The following CACNA1B variants were observed in gnomAD, a reference collection of about 807,000 sequenced individuals.
CACNA1B encodes the protein voltage-dependent N-type calcium channel subunit alpha-1B.
A neutral mutation model predicts 247.2 loss-of-function variants in CACNA1B; 70 were observed. The observed-to-expected ratio is 0.28, with a 90% CI of 0.23 to 0.35. The LOEUF (loss-of-function observed/expected upper bound fraction) is 0.35. CACNA1B is among the 10% of genes least tolerant of loss of function. CACNA1B has a pLI of 1.00. For synonymous variants in CACNA1B, 1,231 were observed against 1,294.4 expected, an observed-to-expected ratio of 0.95 and a Z score of 1.05; for missense variants, 2,367 against 3,197.4, an observed-to-expected ratio of 0.74 and a Z score of 6.26.
At chr9:138,070,236 T>C (rs530818647) in intron 32 of CACNA1B, among the ~76,000 whole-genome samples, 1 of 152,274 alleles carries the variant, frequency 6.6e-6, no homozygotes, top group Admixed American at 6.5e-5. Context: ...CAGACTCCCC[T>C]GTAGCTTCCG....
At position 137,990,112 on chromosome 9, in the gene CACNA1B, G is replaced by T. The variant is rs753296469; in HGVS notation, c.1974+3258G>T. 1.3e-5 allele frequency among the ~76,000 whole-genome samples: 2 copies of T among 152,152 alleles called. No individual in the cohort carries two copies. The highest frequency in any genetic ancestry group is 2.9e-5 in the Non-Finnish European group (2 of 68,028). Reference sequence around the variant, plus strand: ...GGAAATAGACTCAGTGCTGTTGGGGGTGGGCACGGTAGGAGTGAGACCAGC... The same window carrying T: ...GGAAATAGACTCAGTGCTGTTGGGGTTGGGCACGGTAGGAGTGAGACCAGC... On this transcript the variant is annotated intron_variant, in intron 15 of 46. Transcript: ENST00000371372. The surrounding 1 kb of genome is among the most constrained non-coding windows in gnomAD (Gnocchi z 4.5).
At chr9:137,995,098 C>A (rs1958480995) in intron 15 of CACNA1B, among the ~76,000 whole-genome samples, 1 of 151,650 alleles carries the variant, frequency 6.6e-6, no homozygotes. Context: ...ATCCCAGCTA[C>A]TTGGAAGGCT....
At chr9:138,022,885 G>A (rs1393047209) in intron 18 of CACNA1B, 126 bp from the exon 19 acceptor site, 2 of 1,266,810 alleles carry the variant, frequency 1.6e-6, no homozygotes, top group African/African-American at 1.6e-5. Context: ...GGGTGTGGGG[G>A]CTCCCGCGGC....
At chr9:137,923,418 TG>T (rs1438460961) in intron 6 of CACNA1B, among the ~76,000 whole-genome samples, 2 of 150,548 alleles carry the variant, frequency 1.3e-5, no homozygotes, top group Non-Finnish European at 1.5e-5. Flanking sequence ...TAGTATTCCA[TG>T]GCTCCAGGTG....
At chr9:138,043,568 G>A (rs1012309770) in intron 20 of CACNA1B, among the ~76,000 whole-genome samples, 7 of 152,182 alleles carry the variant, frequency 4.6e-5, no homozygotes, top group Non-Finnish European at 8.8e-5. Context: ...GGAAGGGTCC[G>A]TTAGCGTCTC....
Position 137,914,262 on chromosome 9 carries a change from TG to T in CACNA1B, c.623-391del, listed in dbSNP as rs1229427956. On this transcript the variant is annotated intron_variant, in intron 4 of 46. Transcript: ENST00000371372. The surrounding 1 kb of genome is among the most constrained non-coding windows in gnomAD (Gnocchi z 4.3). ...AATTCCCTGTTCTTTCCTCTCAGGA[TG>T]TCCTCTGACTTGGCTCTTCCTTCTC... 1.3e-5 allele frequency among the ~76,000 whole-genome samples: 2 copies of T among 152,122 alleles called. No homozygotes were observed. The highest frequency in any genetic ancestry group is 2.9e-5 in the Non-Finnish European group (2 of 68,020).
At chr9:138,108,321 AAAAAAAAAAGC>A (rs1961506370) in intron 39 of CACNA1B, among the ~76,000 whole-genome samples, 1 of 151,210 alleles carries the variant, frequency 6.6e-6, no homozygotes, top group South Asian at 2.1e-4. Flanking sequence ...AAAAAAAAAA[AAAAAAAAAAGC>A]AAAAGCTTCA....
intron 6 of CACNA1B, among the ~76,000 whole-genome samples, chr9:137,938,760 A>G (rs1957697897): frequency 6.6e-6 from 1 of 152,168 alleles, no homozygotes; most frequent in South Asian, 2.1e-4. Context: ...TTATAAAACA[A>G]TTACTAGTAG....
At chr9:138,047,090 TTCCCAGGG>T in intron 22 of CACNA1B, 57 bp downstream of exon 22, 1 of 1,526,738 alleles carries the variant, frequency 6.5e-7, no homozygotes. Flanking sequence ...GCTGGGTGCC[TTCCCAGGG>T]GCCCAAGGGG....
At chr9:138,120,597 C>G (rs932904794) in intron 45 of CACNA1B, 34 bp from the exon 46 acceptor site, 1 of 1,473,200 alleles carries the variant, frequency 6.8e-7, no homozygotes, top group African/African-American at 1.4e-5. Flanking sequence ...TGCCTTGGGC[C>G]TGGCCGTGCT....
intron 37 of CACNA1B, among the ~76,000 whole-genome samples, chr9:138,097,264 C>T (rs112803387): frequency 6.6e-6 from 1 of 152,026 alleles, no homozygotes; most frequent in African/African-American, 2.4e-5. Context: ...GTTTCAAAGG[C>T]GAGGGGTGGT....
chr9:138,093,424 A>G (rs1448325633), intron 36 of CACNA1B, among the ~76,000 whole-genome samples: 1 of 150,736 alleles, frequency 6.6e-6, no homozygotes, highest in South Asian at 2.1e-4. Context: ...AAAAAAAAAA[A>G]AAAAGAAGAA....
intron 20 of CACNA1B, among the ~76,000 whole-genome samples, chr9:138,037,128 T>G (rs1177512000): frequency 6.6e-6 from 1 of 152,222 alleles, no homozygotes; most frequent in Non-Finnish European, 1.5e-5. Flanking sequence ...CCGTAGAATT[T>G]CTCAGTTTGG....
intron 5 of CACNA1B, among the ~76,000 whole-genome samples, chr9:137,916,863 A>T (rs576750304): frequency 5.7e-5 from 8 of 139,754 alleles, no homozygotes; most frequent in South Asian, 2.5e-4. Context: ...GAGGGAGAGG[A>T]ACGATCAGCG....
rs202153575 is a variant in CACNA1B, at chr9:137,913,321, C to T, written c.622+50C>T. 1 of 1,376,122 alleles carries T rather than the reference C, an allele frequency of 7.3e-7. No homozygotes were observed. The highest frequency in any genetic ancestry group is 1.0e-6 in the Non-Finnish European group (1 of 967,408). 85.2% of individuals were successfully genotyped at this position (1,376,122 alleles called of 1,614,324 possible). The stretch of plus-strand genomic sequence containing the variant: ...AGCCGGCTTGGAGTAACAACCTCCT[C>T]TCCTACCCTCACCACGGACATGGCC... On this transcript the variant is annotated intron_variant, in intron 4 of 46. Coordinates refer to ENST00000371372, the MANE Select transcript of CACNA1B (RefSeq NM_000718.4). The surrounding 1 kb of genome is among the most constrained non-coding windows in gnomAD (Gnocchi z 5.2).
chr9:137,992,510 T>C (rs1307732367), intron 15 of CACNA1B, among the ~76,000 whole-genome samples: 2 of 152,188 alleles, frequency 1.3e-5, no homozygotes, highest in Non-Finnish European at 2.9e-5. Flanking sequence ...GATACTCCAC[T>C]GACAGCACTA....
intron 44 of CACNA1B, among the ~76,000 whole-genome samples, chr9:138,119,321 G>T (rs763511374): frequency 4.6e-5 from 7 of 152,108 alleles, no homozygotes; most frequent in Non-Finnish European, 8.8e-5. Flanking sequence ...TTTCCCGGGG[G>T]AGGCTCCTTC....
intron 7 of CACNA1B, among the ~76,000 whole-genome samples, chr9:137,953,503 A>ATT (rs1957903063): frequency 6.6e-6 from 1 of 152,122 alleles, no homozygotes; most frequent in Non-Finnish European, 1.5e-5. Context: ...CTGTCCTGTA[A>ATT]AGGGTGTGAT....
intron 23 of CACNA1B, among the ~76,000 whole-genome samples, chr9:138,048,294 G>C (rs1589094413): frequency 6.6e-6 from 1 of 152,232 alleles, no homozygotes; most frequent in South Asian, 2.1e-4. Flanking sequence ...CTGCGTAACT[G>C]CAGTCCTGCT....
Sources: allele counts gnomAD v4.1 joint callset (sites outside exome capture counted in the v4.1 genomes callset), GRCh38; gene constraint gnomAD v4.1.1; non-coding constraint Gnocchi (gnomAD v3.1); transcripts MANE v1.5; gene names NCBI Gene and HGNC (gene_info 2026-07-23, HGNC 2026-07-21).